Variants in DTNB observed in about 807,000 individuals in gnomAD.
DTNB encodes DTN-B.
Under a neutral mutation model 90.7 loss-of-function variants are expected in DTNB, and 63 were observed. That is an observed-to-expected ratio of 0.69 (90% CI 0.57 to 0.86). The LOEUF is 0.86. Among genes scored for constraint, DTNB ranks in the 40% least tolerant of loss-of-function variants. DTNB has a pLI of 0.00. For synonymous variants in DTNB, 277 were observed against 286.7 expected (o/e 0.97, Z 0.34); for missense variants, 744 against 807.1 (o/e 0.92, Z 0.95).
intron 3 of DTNB, among the ~76,000 whole-genome samples, chr2:25,634,323 G>A (rs1182737648): frequency 7.5e-6 from 1 of 134,084 alleles, no homozygotes; most frequent in Non-Finnish European, 1.7e-5. Flanking sequence ...CGCCCCGTCC[G>A]GGAGGGAGGT....
At chr2:25,406,852 G>A (rs919855591) in intron 16 of DTNB, among the ~76,000 whole-genome samples, 1 of 152,074 alleles carries the variant, frequency 6.6e-6, no homozygotes. Flanking sequence ...ATAGACTGCC[G>A]TATCTTCTGC....
chr2:25,405,959 G>C (rs2045033539), intron 16 of DTNB, among the ~76,000 whole-genome samples: 1 of 152,148 alleles, frequency 6.6e-6, no homozygotes, highest in Admixed American at 6.5e-5. Flanking sequence ...GGCTGGAATG[G>C]GGTATAGGAA....
At chr2:25,433,020 G>T (rs1283951664) in intron 13 of DTNB, 21 bp from the exon 14 acceptor site, 4 of 1,580,592 alleles carry the variant, frequency 2.5e-6, no homozygotes, top group Non-Finnish European at 1.7e-6. Flanking sequence ...TGGGTGAACG[G>T]AAAGGGGCTG....
At chr2:25,527,628 G>T (rs187713679) in intron 9 of DTNB, among the ~76,000 whole-genome samples, 3 of 151,970 alleles carry the variant, frequency 2.0e-5, no homozygotes, top group African/African-American at 7.3e-5. Context: ...TATTATGAAC[G>T]TTGTATCAAT....
chr2:25,406,650 G>A (rs2045273837), intron 16 of DTNB, among the ~76,000 whole-genome samples: 2 of 152,050 alleles, frequency 1.3e-5, no homozygotes, highest in African/African-American at 2.4e-5. Context: ...ACAACTACTT[G>A]CAAAAAGAGA....
intron 12 of DTNB, among the ~76,000 whole-genome samples, chr2:25,443,717 C>G (rs1466338212): frequency 6.6e-6 from 1 of 152,232 alleles, no homozygotes; most frequent in Non-Finnish European, 1.5e-5. Flanking sequence ...CACCGTAAAT[C>G]AGAAGGCTGG....
At chr2:25,530,139 A>G (rs1341634112) in intron 9 of DTNB, among the ~76,000 whole-genome samples, 2 of 152,208 alleles carry the variant, frequency 1.3e-5, no homozygotes, top group African/African-American at 2.4e-5. Flanking sequence ...AAGTAAGTCA[A>G]TAATGTCTAA....
intron 16 of DTNB, 134 bp from the exon 17 acceptor site, chr2:25,388,495 G>C: frequency 8.0e-7 from 1 of 1,257,782 alleles, no homozygotes; most frequent in Non-Finnish European, 1.1e-6. Flanking sequence ...ATACTTGAAA[G>C]GAAGGAGTTA....
intron 9 of DTNB, among the ~76,000 whole-genome samples, chr2:25,519,892 G>T (rs1014774215): frequency 1.3e-5 from 2 of 152,140 alleles, no homozygotes; most frequent in Admixed American, 1.3e-4. Flanking sequence ...GTATCATCTT[G>T]TCAGTTTCCT....
chr2:25,415,012 AAG>A (rs2047541045), intron 16 of DTNB, among the ~76,000 whole-genome samples: 1 of 152,090 alleles, frequency 6.6e-6, no homozygotes, highest in African/African-American at 2.4e-5. Flanking sequence ...ACAGAAGGGA[AAG>A]AGGGGGGAAG....
intron 16 of DTNB, among the ~76,000 whole-genome samples, chr2:25,401,067 A>C (rs1274048916): frequency 3.3e-5 from 5 of 152,182 alleles, no homozygotes; most frequent in South Asian, 2.1e-4. Flanking sequence ...TCATTTGAGG[A>C]GGCTGAGGTC....
intron 2 of DTNB, among the ~76,000 whole-genome samples, chr2:25,641,684 ATACAG>A (rs1024904067): frequency 2.0e-5 from 3 of 152,240 alleles, no homozygotes; most frequent in African/African-American, 7.2e-5. Context: ...GTGAAAAAGG[ATACAG>A]TTCTACTCTG....
chr2:25,400,446 C>T (rs781030960), intron 16 of DTNB, among the ~76,000 whole-genome samples: 1 of 152,196 alleles, frequency 6.6e-6, no homozygotes, highest in African/African-American at 2.4e-5. Context: ...CTAGAATACG[C>T]GGCACAGTGG....
intron 18 of DTNB, among the ~76,000 whole-genome samples, chr2:25,385,864 G>A (rs999367901): frequency 1.3e-5 from 2 of 152,180 alleles, no homozygotes; most frequent in South Asian, 2.1e-4. Context: ...ACCCTAGCAC[G>A]ATGAACGCAG....
In DTNB at chr2:25,463,692, C is replaced by T. The variant is rs115661099; in HGVS notation, c.1080-8198G>A. On this transcript the variant is annotated intron_variant, in intron 10 of 20. Coordinates refer to ENST00000406818, the MANE Select transcript of DTNB (RefSeq NM_021907.5). ...TGCTACACGTGCTGCAGGCACGGAA[C>T]GAATAAGTCAATGGATGGTAGATGA... is the stretch of plus-strand genomic sequence containing the variant. 3.3e-5 allele frequency among the ~76,000 whole-genome samples: 5 copies of T among 152,268 alleles called. No individual in the cohort carries two copies. The South Asian group carries it at 8.3e-4, about 25-fold the overall frequency.
chr2:25,456,595 C>CA (rs2060071055), intron 10 of DTNB, among the ~76,000 whole-genome samples: 1 of 151,736 alleles, frequency 6.6e-6, no homozygotes, highest in South Asian at 2.1e-4. Flanking sequence ...TTTTTTGAGA[C>CA]AGAGTCTCGC....
chr2:25,592,994 G>A (rs895410945), intron 6 of DTNB, among the ~76,000 whole-genome samples: 4 of 152,082 alleles, frequency 2.6e-5, no homozygotes, highest in African/African-American at 7.2e-5. Flanking sequence ...ACTAGATATC[G>A]GATCCAGGGG....
intron 2 of DTNB, among the ~76,000 whole-genome samples, chr2:25,641,884 G>T (rs912196340): frequency 2.6e-5 from 4 of 151,968 alleles, no homozygotes; most frequent in Non-Finnish European, 5.9e-5. Context: ...GCAGTAGCAC[G>T]GTCTCGGCTT....
intron 4 of DTNB, among the ~76,000 whole-genome samples, chr2:25,609,311 CT>C (rs1335575251): frequency 6.6e-6 from 1 of 152,100 alleles, no homozygotes; most frequent in Non-Finnish European, 1.5e-5. Context: ...TTAAGAATGC[CT>C]GATGGGCCGG....
Sources: gnomAD v4.1 joint callset for allele counts (sites outside exome capture counted in the v4.1 genomes callset) on GRCh38, gnomAD v4.1.1 for gene constraint, MANE v1.5 for transcripts, NCBI Gene and HGNC (gene_info 2026-07-23, HGNC 2026-07-21) for gene names.